The following TASP1 variants were observed in gnomAD, a reference collection of about 807,000 sequenced individuals.
TASP1 encodes the protein taspase 1, also known as threonine aspartase 1.
A neutral mutation model predicts 56.6 loss-of-function variants in TASP1; 16 were observed. The ratio of observed to expected loss-of-function variants is 0.28; its 90% CI spans 0.19 to 0.43. TASP1 has a LOEUF of 0.43. Ranked by LOEUF, TASP1 falls within the 20% of genes least tolerant of loss-of-function variation. The pLI, the probability that TASP1 is intolerant of heterozygous loss-of-function variation, is 1.00. For missense variants in TASP1, 393 were observed against 511.6 expected, an observed-to-expected ratio of 0.77 and a Z score of 2.24; for synonymous variants, 179 against 184.2, an observed-to-expected ratio of 0.97 and a Z score of 0.23.
rs144318506 is a variant in TASP1, at chr20:13,455,926, T to A, written c.986-20772A>T. Among the ~76,000 whole-genome samples, 690 of 152,252 alleles carry A rather than the reference T, an allele frequency of 4.5e-3. 3 individuals are homozygous for A. Among genetic ancestry groups the A allele is most frequent in the East Asian group, 0.011 (59 of 5,146 alleles). ...ACAATACTGACTAAAAAATTTAAGT[T>A]GAACAAACTCTCCACTCGCCAGGTG... On this transcript the variant is annotated intron_variant, in intron 11 of 13. Transcript: ENST00000337743.
chr20:13,247,681 C>T, the TASP1 span, among the ~76,000 whole-genome samples: 6 of 152,002 alleles, frequency 3.9e-5, no homozygotes, highest in African/African-American at 1.5e-4. Flanking sequence ...TCAGCCAAGT[C>T]GTGTTTGCAC....
chr20:13,397,129 A>G (rs1327754754), intron 13 of TASP1, among the ~76,000 whole-genome samples: 2 of 152,244 alleles, frequency 1.3e-5, no homozygotes, highest in Non-Finnish European at 2.9e-5. Flanking sequence ...CACCACTCAC[A>G]TGGAGAATTA....
intron 13 of TASP1, among the ~76,000 whole-genome samples, chr20:13,397,502 G>A (rs557661322): frequency 6.6e-6 from 1 of 152,220 alleles, no homozygotes; most frequent in African/African-American, 2.4e-5. Flanking sequence ...GTGAATGAAA[G>A]CCTCTGAACT....
intron 4 of TASP1, among the ~76,000 whole-genome samples, chr20:13,621,213 C>G (rs1568660560): frequency 6.6e-6 from 1 of 151,800 alleles, no homozygotes; most frequent in Non-Finnish European, 1.5e-5. Flanking sequence ...CACCTGAGCT[C>G]AAGAGTTCAA....
chr20:13,157,165 C>G, the TASP1 span, among the ~76,000 whole-genome samples: 1 of 151,658 alleles, frequency 6.6e-6, no homozygotes, highest in Non-Finnish European at 1.5e-5. Flanking sequence ...AAGCCGGGTA[C>G]GGTAGCTCAT....
intron 12 of TASP1, among the ~76,000 whole-genome samples, chr20:13,434,000 T>TA (rs1367949707): frequency 6.6e-6 from 1 of 152,190 alleles, no homozygotes; most frequent in African/African-American, 2.4e-5. Context: ...ACACAAGTGA[T>TA]ACGTATTCCT....
chr20:13,589,480 G>A (rs181394853), intron 4 of TASP1, among the ~76,000 whole-genome samples: 63 of 152,258 alleles, frequency 4.1e-4, no homozygotes, highest in African/African-American at 1.5e-3. Context: ...CCAAAGCCCT[G>A]TATGTAAGAG....
At chr20:13,196,544 G>A in the TASP1 span, among the ~76,000 whole-genome samples, 1 of 152,120 alleles carries the variant, frequency 6.6e-6, no homozygotes, top group African/African-American at 2.4e-5. Context: ...CAGCATAGTA[G>A]CCGCCAGCCA....
chr20:13,123,362 A>G, the TASP1 span, among the ~76,000 whole-genome samples: 4 of 151,968 alleles, frequency 2.6e-5, no homozygotes, highest in East Asian at 1.9e-4. Flanking sequence ...TGCATCAGGT[A>G]TTCACTGTTT....
chr20:13,340,874 T>C, the TASP1 span, among the ~76,000 whole-genome samples: 468 of 152,346 alleles, frequency 3.1e-3, 2 homozygotes, highest in African/African-American at 0.011. Flanking sequence ...GCTTTCATTA[T>C]CTCATTAATT....
chr20:13,426,382 T>C (rs1304640570), intron 12 of TASP1, among the ~76,000 whole-genome samples: 2 of 152,176 alleles, frequency 1.3e-5, no homozygotes, highest in African/African-American at 4.8e-5. Flanking sequence ...TAGAATTCTA[T>C]TCATAAATTT....
the TASP1 span, among the ~76,000 whole-genome samples, chr20:13,344,882 G>C: frequency 2.5e-3 from 379 of 152,226 alleles, 9 homozygotes; most frequent in East Asian, 0.048. Flanking sequence ...TGGTCCCAGT[G>C]GTCTCCAAGG....
the TASP1 span, among the ~76,000 whole-genome samples, chr20:13,211,023 T>C: frequency 1.7e-4 from 26 of 149,582 alleles, no homozygotes; most frequent in Non-Finnish European, 3.9e-4. Flanking sequence ...AAGATTATTA[T>C]CTAATTATAC....
chr20:13,351,662 G>A, the TASP1 span, among the ~76,000 whole-genome samples: 1 of 152,338 alleles, frequency 6.6e-6, no homozygotes, highest in East Asian at 1.9e-4. Context: ...GTAGCATTGT[G>A]GAATTTGGGG....
At chr20:13,113,386 C>G in the TASP1 span, among the ~76,000 whole-genome samples, 1 of 152,050 alleles carries the variant, frequency 6.6e-6, no homozygotes, top group South Asian at 2.1e-4. Context: ...ATGGGTAAAG[C>G]ACCCCCACAT....
chr20:13,361,282 G>A, the TASP1 span, among the ~76,000 whole-genome samples: 32 of 152,260 alleles, frequency 2.1e-4, no homozygotes, highest in Admixed American at 1.2e-3. Flanking sequence ...GAAGGCCACC[G>A]CAGTCATTTC....
the TASP1 span, among the ~76,000 whole-genome samples, chr20:13,178,165 A>G: frequency 4.6e-5 from 7 of 152,320 alleles, no homozygotes; most frequent in Non-Finnish European, 8.8e-5. Context: ...GCTCAGCATC[A>G]CTTATCATCA....
intron 4 of TASP1, among the ~76,000 whole-genome samples, chr20:13,607,211 C>G (rs759897785): frequency 2.0e-5 from 3 of 152,188 alleles, no homozygotes; most frequent in Non-Finnish European, 4.4e-5. Context: ...TGCCCTTTGA[C>G]TAACCAACCC....
intron 4 of TASP1, among the ~76,000 whole-genome samples, chr20:13,606,407 T>C (rs2048154429): frequency 6.6e-6 from 1 of 152,132 alleles, no homozygotes; most frequent in African/African-American, 2.4e-5. Flanking sequence ...AACATTCTCT[T>C]ATCTCTATTT....
Sources: allele counts gnomAD v4.1 joint callset (sites outside exome capture counted in the v4.1 genomes callset), GRCh38; gene constraint gnomAD v4.1.1; transcripts MANE v1.5; gene names NCBI Gene and HGNC (gene_info 2026-07-23, HGNC 2026-07-21).